Variants in ANKS1B observed in about 807,000 individuals in gnomAD.
The protein encoded by ANKS1B is ankyrin repeat and sterile alpha motif domain-containing protein 1B.
ANKS1B carries 36 observed loss-of-function variants against 148.3 expected under a neutral mutation model. That is an observed-to-expected ratio of 0.24 (90% confidence interval 0.19 to 0.32). The LOEUF (loss-of-function observed/expected upper bound fraction) is 0.32, where lower values mean the gene tolerates loss of function less well. ANKS1B is among the 10% of genes least tolerant of loss of function. ANKS1B has a pLI of 1.00. For missense variants in ANKS1B, 1,157 were observed against 1,542.6 expected (o/e 0.75, Z 4.19); for synonymous variants, 542 against 560.8 (o/e 0.97, Z 0.47).
At chr12:99,117,805 C>A (rs573464826) in intron 15 of ANKS1B, among the ~76,000 whole-genome samples, 1 of 152,110 alleles carries the variant, frequency 6.6e-6, no homozygotes, top group African/African-American at 2.4e-5. Flanking sequence ...TGGTAGAATT[C>A]GGCTGTGAAT....
At chr12:99,861,243 A>C (rs760147183) in intron 1 of ANKS1B, among the ~76,000 whole-genome samples, 9 of 152,208 alleles carry the variant, frequency 5.9e-5, no homozygotes, top group Non-Finnish European at 1.2e-4. Context: ...TCTTTGCTCA[A>C]ATTAACTGTT....
At chr12:99,745,588 A>T (rs1476591361) in intron 8 of ANKS1B, among the ~76,000 whole-genome samples, 1 of 152,184 alleles carries the variant, frequency 6.6e-6, no homozygotes, top group Non-Finnish European at 1.5e-5. Flanking sequence ...AAAAAGCACT[A>T]AAATCATTTT....
intron 1 of ANKS1B, among the ~76,000 whole-genome samples, chr12:99,903,519 G>A (rs1462111512): frequency 6.6e-6 from 1 of 152,228 alleles, no homozygotes; most frequent in East Asian, 1.9e-4. Context: ...CAGAGTACTA[G>A]AGGCAGAGAG....
At chr12:99,312,090 C>T (rs1268406329) in intron 12 of ANKS1B, among the ~76,000 whole-genome samples, 1 of 152,122 alleles carries the variant, frequency 6.6e-6, no homozygotes, top group Admixed American at 6.6e-5. Context: ...ATGATTTCTA[C>T]AGTTTGTAGG....
intron 17 of ANKS1B, among the ~76,000 whole-genome samples, chr12:99,037,387 G>T (rs2153478460): frequency 6.6e-6 from 1 of 152,006 alleles, no homozygotes; most frequent in East Asian, 1.9e-4. Flanking sequence ...GTGGTGGCGG[G>T]TCCCTGTAAT....
chr12:99,591,257 G>A lies in ANKS1B; in HGVS notation c.1272+63810C>T, dbSNP rs143651367. On this transcript the variant is annotated intron_variant, in intron 9 of 26. Coordinates refer to ENST00000683438, the MANE Select transcript of ANKS1B (RefSeq NM_001352186.2). ...TAACTTTAAAAAATTTATCTCGTTC[G>A]ATAAAAATACTTCATACCGAATTAG... 6.3e-3 allele frequency among the ~76,000 whole-genome samples: 962 copies of A among 151,734 alleles called. 12 individuals are homozygous for A. Among genetic ancestry groups the A allele is most frequent in the African/African-American group, 0.021 (888 of 41,416 alleles).
rs929205006 is a variant in ANKS1B at position 99,170,450 on chromosome 12, C to T, written c.2420-16055G>A. 2.0e-5 allele frequency among the ~76,000 whole-genome samples: 3 copies of T among 152,154 alleles called. No individual in the cohort carries two copies. The East Asian group carries it at 5.8e-4, about 29-fold the overall frequency. ...TGGAAGAGTGAGGGGGGACACCTCA[C>T]CCCATCTATCTCATGGTTTTATTTG... On this transcript the variant is annotated intron_variant, in intron 14 of 26. Transcript: ENST00000683438.
intron 8 of ANKS1B, among the ~76,000 whole-genome samples, chr12:99,714,867 C>T (rs561956157): frequency 1.2e-4 from 18 of 151,964 alleles, no homozygotes; most frequent in African/African-American, 4.1e-4. Flanking sequence ...ACCTGTAATC[C>T]CAGCACTTTG....
intron 12 of ANKS1B, among the ~76,000 whole-genome samples, chr12:99,264,589 A>G (rs1326242551): frequency 2.0e-5 from 3 of 152,090 alleles, no homozygotes; most frequent in African/African-American, 7.2e-5. Flanking sequence ...ATTTTGGAAA[A>G]TGCTCTTTTC....
intron 15 of ANKS1B, among the ~76,000 whole-genome samples, chr12:99,125,926 G>A (rs1390594396): frequency 1.3e-5 from 2 of 151,912 alleles, no homozygotes; most frequent in Non-Finnish European, 2.9e-5. Context: ...GATCTCTATA[G>A]GATGTCACAA....
At chr12:99,196,760 G>C (rs2153891219) in intron 14 of ANKS1B, among the ~76,000 whole-genome samples, 1 of 152,052 alleles carries the variant, frequency 6.6e-6, no homozygotes, top group South Asian at 2.1e-4. Context: ...ATCTCCTAAA[G>C]CTATCCCTCT....
intron 17 of ANKS1B, among the ~76,000 whole-genome samples, chr12:98,988,291 C>T (rs2099924602): frequency 1.3e-5 from 2 of 152,172 alleles, no homozygotes; most frequent in African/African-American, 4.8e-5. Context: ...CTAGTAATCA[C>T]CATTCTACTC....
At chr12:98,883,449 CAACA>C (rs1430771673) in intron 17 of ANKS1B, among the ~76,000 whole-genome samples, 1 of 152,170 alleles carries the variant, frequency 6.6e-6, no homozygotes, top group Non-Finnish European at 1.5e-5. Flanking sequence ...CTCATCATTG[CAACA>C]AACAGAGACT....
chr12:99,930,089 C>A (rs548773834), intron 1 of ANKS1B, among the ~76,000 whole-genome samples: 118 of 151,608 alleles, frequency 7.8e-4, no homozygotes, highest in African/African-American at 2.7e-3. Context: ...TACCTGGGGC[C>A]GTATGGCCAT....
At chr12:99,173,866 C>A (rs901353482) in intron 14 of ANKS1B, among the ~76,000 whole-genome samples, 1 of 152,040 alleles carries the variant, frequency 6.6e-6, no homozygotes, top group East Asian at 1.9e-4. Context: ...TGCCTATCAT[C>A]TACTGGGATA....
chr12:98,820,926 T>C (rs2099183820), intron 19 of ANKS1B, among the ~76,000 whole-genome samples: 2 of 152,362 alleles, frequency 1.3e-5, no homozygotes, highest in Admixed American at 6.5e-5. Context: ...TACTCCCAGA[T>C]GCAGTTGAGA....
chr12:99,326,004 T>A (rs1341236716), intron 12 of ANKS1B, among the ~76,000 whole-genome samples: 5 of 151,982 alleles, frequency 3.3e-5, no homozygotes, highest in Non-Finnish European at 7.4e-5. Flanking sequence ...CAAGGCAGCA[T>A]GAAGGAGAAG....
rs559988934 is a variant in ANKS1B at position 99,101,062 on chromosome 12, G to A, written c.2527-16039C>T. On this transcript the variant is annotated intron_variant, in intron 15 of 26. Coordinates refer to ENST00000683438, the MANE Select transcript of ANKS1B (RefSeq NM_001352186.2). ...GAACAAGGGCAATGAGAAAAGAAAC[G>A]GTATAGTGAGAGTGAAAACCAGAAA... 5.9e-5 allele frequency among the ~76,000 whole-genome samples: 9 copies of A among 152,286 alleles called. No homozygotes were observed. The South Asian group carries it at 1.9e-3, about 32-fold the overall frequency.
At chr12:99,759,010 T>A (rs1404757502) in intron 8 of ANKS1B, among the ~76,000 whole-genome samples, 1 of 151,876 alleles carries the variant, frequency 6.6e-6, no homozygotes, top group Non-Finnish European at 1.5e-5. Flanking sequence ...GGGCAGGCAA[T>A]TTTCACTTTA....
Sources: allele counts gnomAD v4.1 joint callset (sites outside exome capture counted in the v4.1 genomes callset), GRCh38; gene constraint gnomAD v4.1.1; transcripts MANE v1.5; gene names NCBI Gene and HGNC (gene_info 2026-07-23, HGNC 2026-07-21).